The following ARFGEF2 variants were observed in gnomAD, a reference collection of about 807,000 sequenced individuals.
The protein encoded by ARFGEF2 is ARF guanine nucleotide exchange factor 2.
ARFGEF2 carries 74 observed loss-of-function variants against 219.9 expected under a neutral mutation model. That is an observed-to-expected ratio of 0.34 (90% CI 0.28 to 0.41). The LOEUF is 0.41. Ranked by LOEUF, ARFGEF2 falls within the 10% of genes least tolerant of loss-of-function variation. The pLI, the probability that ARFGEF2 is intolerant of heterozygous loss-of-function variation, is 1.00. For missense variants in ARFGEF2, 1,743 were observed against 2,218.3 expected, an observed-to-expected ratio of 0.79 and a Z score of 4.30; for synonymous variants, 733 against 799.2, an observed-to-expected ratio of 0.92 and a Z score of 1.40.
chr20:49,027,255 A>G (rs1255214204), intron 36 of ARFGEF2, among the ~76,000 whole-genome samples: 1 of 151,362 alleles, frequency 6.6e-6, no homozygotes, highest in Non-Finnish European at 1.5e-5. Flanking sequence ...CAGTGGTCTC[A>G]CTCTCTTGAC....
intron 6 of ARFGEF2, among the ~76,000 whole-genome samples, chr20:48,958,737 C>G (rs560112034): frequency 6.6e-6 from 1 of 152,254 alleles, no homozygotes; most frequent in Admixed American, 6.5e-5. Context: ...CCACCGTGCC[C>G]AGCCTTCTCT....
intron 28 of ARFGEF2, 102 bp downstream of exon 28, chr20:49,012,186 A>C (rs1001715866): frequency 1.1e-5 from 17 of 1,500,116 alleles, no homozygotes; most frequent in East Asian, 6.8e-5. Flanking sequence ...CTCTTTTAGA[A>C]ATGTGTGTTT....
intron 30 of ARFGEF2, among the ~76,000 whole-genome samples, chr20:49,014,891 T>G (rs2091521091): frequency 6.6e-6 from 1 of 152,198 alleles, no homozygotes; most frequent in East Asian, 1.9e-4. Context: ...AAAGAAGAAT[T>G]TAAACACTCA....
chr20:49,013,512 T>C (rs2091513137), intron 28 of ARFGEF2, 52 bp from the exon 29 acceptor site: 2 of 1,613,050 alleles, frequency 1.2e-6, no homozygotes, highest in African/African-American at 2.7e-5. Flanking sequence ...CCCTTTCAGT[T>C]CCTTCCTTTT....
chr20:48,946,956 C>T (rs1410759375), intron 3 of ARFGEF2, among the ~76,000 whole-genome samples: 1 of 152,080 alleles, frequency 6.6e-6, no homozygotes, highest in East Asian at 1.9e-4. Flanking sequence ...TGTGTGCCGC[C>T]ACACCCAGCT....
At chr20:48,957,526 A>G (rs1032352919) in intron 6 of ARFGEF2, among the ~76,000 whole-genome samples, 1 of 152,228 alleles carries the variant, frequency 6.6e-6, no homozygotes, top group Non-Finnish European at 1.5e-5. Context: ...GTGATATCCC[A>G]GGGAAGAGCA....
intron 26 of ARFGEF2, 27 bp from the exon 27 acceptor site, chr20:49,010,205 G>A (rs780767908): frequency 1.3e-5 from 21 of 1,608,992 alleles, no homozygotes; most frequent in Middle Eastern, 1.7e-4. Context: ...AAGTACAGAC[G>A]ATATGGCCGT....
chr20:49,003,780 G>A (rs1233356442), intron 25 of ARFGEF2, among the ~76,000 whole-genome samples: 2 of 152,088 alleles, frequency 1.3e-5, no homozygotes, highest in African/African-American at 2.4e-5. Flanking sequence ...AGTCTGAAAA[G>A]CACCAGCCAA....
chr20:48,990,897 A>G lies in ARFGEF2; in HGVS notation c.2815-143A>G, dbSNP rs180910083. On this transcript the variant is annotated intron_variant, in intron 20 of 38. Coordinates refer to ENST00000371917, the MANE Select transcript of ARFGEF2 (RefSeq NM_006420.3). ...AAAAGCAAGAGGGCATTAGCATGGA[A>G]TAACTGTTGTGCTAATGTGCAGAAA... 8.8e-6 allele frequency: 8 copies of G among 905,190 alleles called. No homozygotes were observed. The East Asian group carries it at 2.1e-4, about 24-fold the overall frequency. 56.1% of individuals were successfully genotyped at this position (905,190 alleles called of 1,614,324 possible).
chr20:49,036,461 T>A lies in ARFGEF2; in HGVS notation c.*3262T>A. ...TTACCTCCTTAAAATGCCTAAAAGTTAGTTAATAGTTACTTTGGTTTAACC... is the reference window on the plus strand; with the variant it reads ...TTACCTCCTTAAAATGCCTAAAAGTAAGTTAATAGTTACTTTGGTTTAACC... On this transcript the variant is annotated 3_prime_UTR_variant, in exon 39 of 39. Coordinates refer to ENST00000371917, the MANE Select transcript of ARFGEF2 (RefSeq NM_006420.3). 2.6e-6 allele frequency: 1 copy of A among 382,114 alleles called. No individual in the cohort carries two copies. The highest frequency in any genetic ancestry group is 4.6e-6 in the Non-Finnish European group (1 of 216,526). The allele number at this position is 382,114 out of a possible 1,614,324, so 23.7% of individuals were successfully genotyped here.
chr20:48,967,574 C>T (rs1463133174), intron 8 of ARFGEF2, among the ~76,000 whole-genome samples: 1 of 152,154 alleles, frequency 6.6e-6, no homozygotes, highest in Non-Finnish European at 1.5e-5. Flanking sequence ...GCCAGGGGAA[C>T]ATAGCGAGAC....
Position 48,988,264 on chromosome 20 carries a change from C to T in ARFGEF2, c.2277-40C>T, listed in dbSNP as rs771602999. The T allele has an allele frequency of 3.4e-6, 5 of 1,458,824 alleles. No individual in the cohort carries two copies. The African/African-American group carries it at 4.2e-5, about 12-fold the overall frequency. 90.4% of individuals were successfully genotyped at this position (1,458,824 alleles called of 1,614,324 possible). Reference sequence around the variant, plus strand: ...TGTTAGCATTGTACCTTCCAAACCGCATCACCATGAATATTGATGTCTCGA... The same window carrying T: ...TGTTAGCATTGTACCTTCCAAACCGTATCACCATGAATATTGATGTCTCGA... On this transcript the variant is annotated intron_variant, in intron 16 of 38. Coordinates refer to ENST00000371917, the MANE Select transcript of ARFGEF2 (RefSeq NM_006420.3).
In ARFGEF2 at chr20:48,988,543, A is replaced by G. The variant is rs1474622939; in HGVS notation, c.2414A>G (p.Asn805Ser). 2 of 1,613,768 alleles carry G rather than the reference A, an allele frequency of 1.2e-6. No homozygotes were observed. The highest frequency in any genetic ancestry group is 1.7e-6 in the Non-Finnish European group (2 of 1,179,782). The change falls in exon 18 of 39, where the codon AAT becomes AGT. Residue 805 changes from asparagine to serine, a missense_variant. Physicochemically the swap from Asn to Ser is conservative, Grantham distance 46. Coordinates refer to ENST00000371917, the MANE Select transcript of ARFGEF2 (RefSeq NM_006420.3). ...EQYIKMNRGINDSKDLPEEYL... is the reference protein window; with the variant it reads ...EQYIKMNRGISDSKDLPEEYL... ...TATATTAAAATGAATCGGGGTATCA[A>G]TGATAGTAAAGATCTGCCAGAAGAG... is the stretch of plus-strand genomic sequence containing the variant.
At chr20:49,012,548 A>G (rs1309095104) in intron 28 of ARFGEF2, among the ~76,000 whole-genome samples, 30 of 152,170 alleles carry the variant, frequency 2.0e-4, no homozygotes, top group Non-Finnish European at 1.5e-5. Flanking sequence ...AAAGAGGCCT[A>G]TTTGGTTTAA....
At chr20:48,971,414 A>T in intron 10 of ARFGEF2, 60 bp downstream of exon 10, 2 of 1,244,536 alleles carry the variant, frequency 1.6e-6, no homozygotes, top group East Asian at 2.5e-5. Flanking sequence ...CATTAATTAT[A>T]ATACTCAATA....
intron 8 of ARFGEF2, 28 bp downstream of exon 8, chr20:48,966,051 T>C (rs1165742972): frequency 1.2e-6 from 2 of 1,613,704 alleles, no homozygotes; most frequent in South Asian, 1.1e-5. Context: ...CTCTGTGGAC[T>C]TATTGCCATT....
intron 4 of ARFGEF2, among the ~76,000 whole-genome samples, chr20:48,952,406 C>G (rs1482804194): frequency 6.6e-6 from 1 of 152,054 alleles, no homozygotes; most frequent in African/African-American, 2.4e-5. Flanking sequence ...GCCACCCTGC[C>G]TGGCTGGAAG....
At chr20:48,939,264 C>T (rs994938587) in intron 1 of ARFGEF2, among the ~76,000 whole-genome samples, 1 of 152,052 alleles carries the variant, frequency 6.6e-6, no homozygotes, top group Non-Finnish European at 1.5e-5. Context: ...TGAGCCACCG[C>T]GCCTGGCCTA....
chr20:48,978,094 A>G (rs905824157), intron 14 of ARFGEF2, among the ~76,000 whole-genome samples: 4 of 152,026 alleles, frequency 2.6e-5, no homozygotes, highest in African/African-American at 9.7e-5. Context: ...TTTCTTCTAG[A>G]GTTTTTATGG....
Sources: gnomAD v4.1 joint callset for allele counts (sites outside exome capture counted in the v4.1 genomes callset) on GRCh38, gnomAD v4.1.1 for gene constraint, MANE v1.5 for transcripts, NCBI Gene and HGNC (gene_info 2026-07-23, HGNC 2026-07-21) for gene names.